The following B3GALNT2 variants were observed in gnomAD, a reference collection of about 807,000 sequenced individuals.
The protein encoded by B3GALNT2 is beta-1,3-N-acetylgalactosaminyltransferase 2.
B3GALNT2 carries 53 observed loss-of-function variants against 61.1 expected under a neutral mutation model. That is an observed-to-expected ratio of 0.87 (90% CI 0.70 to 1.09). The LOEUF is 1.09. Ranked by LOEUF, B3GALNT2 falls within the 50% of genes least tolerant of loss-of-function variation. B3GALNT2 has a pLI of 0.00. For missense variants in B3GALNT2, 544 were observed against 623.0 expected (o/e 0.87, Z 1.35); for synonymous variants, 223 against 237.4 (o/e 0.94, Z 0.56).
the B3GALNT2 span, chr1:235,441,908 T>C: frequency 6.2e-7 from 1 of 1,603,868 alleles, no homozygotes; most frequent in African/African-American, 1.3e-5. Context: ...TCAAATAGTT[T>C]ATTTGTATTT....
At chr1:235,486,941 G>A (rs1684835504) in intron 3 of B3GALNT2, among the ~76,000 whole-genome samples, 1 of 152,160 alleles carries the variant, frequency 6.6e-6, no homozygotes, top group South Asian at 2.1e-4. Flanking sequence ...GGCTGAGGGG[G>A]GTGGATCACG....
At chr1:235,451,433 T>A (rs1682890638) in intron 11 of B3GALNT2, 1 of 126,126 alleles carries the variant, frequency 7.9e-6, no homozygotes, top group Admixed American at 9.2e-5. Flanking sequence ...GAATGCATTT[T>A]AAATAGAGGA....
At chr1:235,444,033 T>C (rs188011874), downstream of B3GALNT2, among the ~76,000 whole-genome samples, 3 of 152,320 alleles carry the variant, frequency 2.0e-5, no homozygotes, top group African/African-American at 7.2e-5. Context: ...ATAAATGAAA[T>C]ACACATCAGC....
At chr1:235,501,057 T>C (rs141746089) in intron 1 of B3GALNT2, among the ~76,000 whole-genome samples, 110 of 152,366 alleles carry the variant, frequency 7.2e-4, no homozygotes, top group African/African-American at 2.5e-3. Flanking sequence ...TGAGTGAATA[T>C]GCTCCTTTGT....
chr1:235,466,415 T>C (rs1197915099), intron 6 of B3GALNT2, among the ~76,000 whole-genome samples: 1 of 152,092 alleles, frequency 6.6e-6, no homozygotes, highest in Admixed American at 6.6e-5. Flanking sequence ...TCAGGCTGAG[T>C]GCAGTGGTGC....
intron 7 of B3GALNT2, among the ~76,000 whole-genome samples, chr1:235,460,275 C>T (rs957924440): frequency 1.3e-5 from 2 of 151,526 alleles, no homozygotes; most frequent in African/African-American, 2.4e-5. Flanking sequence ...TGCCACTGTG[C>T]CCAGCTAATT....
chr1:235,476,679 G>A (rs903457630), intron 5 of B3GALNT2, among the ~76,000 whole-genome samples: 3 of 151,906 alleles, frequency 2.0e-5, no homozygotes, highest in Admixed American at 6.6e-5. Context: ...GTAAAATCTT[G>A]TCTCTACTAA....
At chr1:235,465,593 A>G (rs1461070703) in intron 7 of B3GALNT2, 43 bp downstream of exon 7, 14 of 1,607,506 alleles carry the variant, frequency 8.7e-6, no homozygotes, top group African/African-American at 1.3e-5. Context: ...GATTAAGTAT[A>G]AGACATTCAG....
downstream of B3GALNT2, among the ~76,000 whole-genome samples, chr1:235,445,152 T>C (rs1252543642): frequency 6.6e-6 from 1 of 152,258 alleles, no homozygotes. Context: ...CTGAGTCCTA[T>C]ATTCTATAAA....
At chr1:235,456,522 A>G (rs1572486683) in intron 8 of B3GALNT2, among the ~76,000 whole-genome samples, 1 of 152,356 alleles carries the variant, frequency 6.6e-6, no homozygotes, top group African/African-American at 2.4e-5. Flanking sequence ...GAAGGCATAC[A>G]TAATATTTGC....
the B3GALNT2 span, chr1:235,441,648 G>A: frequency 1.1e-4 from 70 of 632,926 alleles, no homozygotes; most frequent in Non-Finnish European, 1.7e-4. Flanking sequence ...GGAAGTGGTC[G>A]TTGTCCATCA....
chr1:235,480,159 G>A lies in B3GALNT2; in HGVS notation c.556-10C>T. On this transcript the variant is annotated splice_polypyrimidine_tract_variant and intron_variant, in intron 4 of 11. Coordinates refer to ENST00000366600, the MANE Select transcript of B3GALNT2 (RefSeq NM_152490.5). ...CAATGAAGAGGGCCTCCTACAAATT[G>A]GGAGAAAAAGACAAGAAAAAATACT... 1 of 1,611,968 alleles carries A rather than the reference G, an allele frequency of 6.2e-7. No homozygotes were observed. Among genetic ancestry groups the A allele is most frequent in the Non-Finnish European group, 8.5e-7 (1 of 1,179,146 alleles).
At chr1:235,489,543 A>G (rs781303630) in intron 2 of B3GALNT2, among the ~76,000 whole-genome samples, 2 of 152,230 alleles carry the variant, frequency 1.3e-5, no homozygotes, top group Non-Finnish European at 2.9e-5. Context: ...ATATCATTTA[A>G]AAGCAAACTA....
chr1:235,454,130 C>A (rs200441897), intron 10 of B3GALNT2, 26 bp downstream of exon 10: 1 of 1,571,590 alleles, frequency 6.4e-7, no homozygotes, highest in African/African-American at 1.4e-5. Context: ...AGAGCCACCA[C>A]GCCAAGCTAA....
intron 2 of B3GALNT2, among the ~76,000 whole-genome samples, chr1:235,490,229 T>C (rs291398): frequency 0.45 from 68,214 of 151,956 alleles, 15,964 homozygotes; most frequent in Non-Finnish European, 0.5. Flanking sequence ...TTAGTAACTC[T>C]AGTTGTTTTC....
chr1:235,465,824 T>C, intron 6 of B3GALNT2, 110 bp from the exon 7 acceptor site: 12 of 1,271,480 alleles, frequency 9.4e-6, no homozygotes, highest in African/African-American at 7.4e-5. Context: ...AGCAGATAAA[T>C]GCATGTAAGA....
intron 5 of B3GALNT2, among the ~76,000 whole-genome samples, chr1:235,471,630 A>G (rs1180400535): frequency 6.6e-6 from 1 of 152,206 alleles, no homozygotes; most frequent in Non-Finnish European, 1.5e-5. Context: ...CTAATATACT[A>G]GATTTTTACA....
intron 1 of B3GALNT2, among the ~76,000 whole-genome samples, chr1:235,497,739 C>T (rs1030366808): frequency 2.0e-5 from 3 of 152,128 alleles, no homozygotes; most frequent in African/African-American, 7.2e-5. Flanking sequence ...CTGCTCAGTT[C>T]GGTCTGTTTT....
intron 8 of B3GALNT2, among the ~76,000 whole-genome samples, chr1:235,458,157 C>T (rs1375214585): frequency 6.6e-6 from 1 of 152,138 alleles, no homozygotes; most frequent in African/African-American, 2.4e-5. Flanking sequence ...ATCTGCCTGC[C>T]TTGGCTTCCC....
Sources: allele counts gnomAD v4.1 joint callset (sites outside exome capture counted in the v4.1 genomes callset), GRCh38; gene constraint gnomAD v4.1.1; transcripts MANE v1.5; gene names NCBI Gene and HGNC (gene_info 2026-07-23, HGNC 2026-07-21).